The following DPP10 variants were observed in gnomAD, a reference collection of about 807,000 sequenced individuals.
DPP10 encodes inactive dipeptidyl peptidase 10.
A neutral mutation model predicts 120.9 loss-of-function variants in DPP10; 33 were observed. That is an observed-to-expected ratio of 0.27 (90% confidence interval 0.21 to 0.37). The LOEUF (loss-of-function observed/expected upper bound fraction) is 0.37. DPP10 is among the 10% of genes least tolerant of loss of function. The pLI, the probability that DPP10 is intolerant of heterozygous loss-of-function variation, is 1.00. For missense variants in DPP10, 816 were observed against 942.8 expected, an observed-to-expected ratio of 0.87 and a Z score of 1.76; for synonymous variants, 337 against 326.1, an observed-to-expected ratio of 1.03 and a Z score of -0.36.
intron 1 of DPP10, among the ~76,000 whole-genome samples, chr2:115,038,305 C>G (rs1402512309): frequency 2.6e-5 from 4 of 151,708 alleles, no homozygotes; most frequent in South Asian, 2.1e-4. Context: ...GAGTCTCGCT[C>G]TGTTGCCCAG....
At chr2:114,602,635 A>G (rs978639643) in intron 1 of DPP10, among the ~76,000 whole-genome samples, 7 of 151,968 alleles carry the variant, frequency 4.6e-5, no homozygotes, top group Non-Finnish European at 1.0e-4. Context: ...AGTACTCAGG[A>G]TATGCTTTGA....
intron 3 of DPP10, among the ~76,000 whole-genome samples, chr2:115,346,542 G>C (rs1186263996): frequency 6.6e-6 from 1 of 152,002 alleles, no homozygotes; most frequent in East Asian, 1.9e-4. Context: ...CCCTGTTCAT[G>C]GTTAGCTTAA....
At chr2:114,923,340 C>T (rs994799616) in intron 1 of DPP10, among the ~76,000 whole-genome samples, 10 of 151,664 alleles carry the variant, frequency 6.6e-5, no homozygotes, top group African/African-American at 2.2e-4. Context: ...TGCGCCATCA[C>T]GACCAGCTCA....
At chr2:115,163,567 A>G (rs960143403) in intron 1 of DPP10, among the ~76,000 whole-genome samples, 1 of 152,222 alleles carries the variant, frequency 6.6e-6, no homozygotes, top group Admixed American at 6.5e-5. Flanking sequence ...AATCCCCAGC[A>G]CACATCAGAA....
At chr2:115,426,761 C>T (rs962491564) in intron 3 of DPP10, among the ~76,000 whole-genome samples, 4 of 152,164 alleles carry the variant, frequency 2.6e-5, no homozygotes, top group African/African-American at 9.7e-5. Flanking sequence ...CTGCCCTTGG[C>T]CCCCACAAAA....
intron 1 of DPP10, among the ~76,000 whole-genome samples, chr2:114,633,921 T>TG (rs1695130775): frequency 6.6e-6 from 1 of 151,882 alleles, no homozygotes; most frequent in African/African-American, 2.4e-5. Flanking sequence ...GGCCTTTTTG[T>TG]GGATTTTAAT....
At chr2:115,169,105 A>G (rs1311699418) in intron 1 of DPP10, among the ~76,000 whole-genome samples, 2 of 152,204 alleles carry the variant, frequency 1.3e-5, no homozygotes, top group Admixed American at 1.3e-4. Context: ...AGGCAACGTG[A>G]TGTAAGACTG....
intron 1 of DPP10, among the ~76,000 whole-genome samples, chr2:114,718,328 G>A (rs1203149069): frequency 6.7e-6 from 1 of 149,568 alleles, no homozygotes; most frequent in Non-Finnish European, 1.5e-5. Context: ...TTGATCCTGG[G>A]AGGCGGAGGT....
chr2:114,587,468 T>A (rs903936946), intron 1 of DPP10, among the ~76,000 whole-genome samples: 6 of 151,926 alleles, frequency 3.9e-5, no homozygotes, highest in Admixed American at 1.3e-4. Context: ...CTACGTTGAG[T>A]CATTCATTTA....
rs144879883 is a variant in DPP10, at chr2:114,721,288, G to T, written c.60+278450G>T. On this transcript the variant is annotated intron_variant, in intron 1 of 25. Transcript: ENST00000410059. ...GTGCTTTGAAACACCCATTGCATGG[G>T]CCTTCCCATTGCATCCTTATAAACA... 1.8e-3 allele frequency among the ~76,000 whole-genome samples: 272 copies of T among 152,292 alleles called. 1 individual carries two copies. The highest frequency in any genetic ancestry group is 5.8e-3 in the African/African-American group (240 of 41,564).
chr2:115,308,149 T>TA (rs1262463996), intron 1 of DPP10, among the ~76,000 whole-genome samples: 1 of 152,138 alleles, frequency 6.6e-6, no homozygotes, highest in Non-Finnish European at 1.5e-5. Flanking sequence ...ACTATATGAA[T>TA]ATTGACATCA....
At chr2:115,708,349 AT>A (rs2092204030) in intron 7 of DPP10, among the ~76,000 whole-genome samples, 1 of 151,968 alleles carries the variant, frequency 6.6e-6, no homozygotes, top group South Asian at 2.1e-4. Flanking sequence ...CTTGCTAATA[AT>A]ATTGAAGTTG....
chr2:115,245,740 C>T (rs778874490), intron 1 of DPP10, among the ~76,000 whole-genome samples: 15 of 152,070 alleles, frequency 9.9e-5, no homozygotes, highest in African/African-American at 1.4e-4. Context: ...TTCTGTGATA[C>T]AATGGGAATA....
At chr2:114,635,524 A>G (rs1695241138) in intron 1 of DPP10, among the ~76,000 whole-genome samples, 1 of 151,964 alleles carries the variant, frequency 6.6e-6, no homozygotes. Context: ...CAAGACTGTT[A>G]GTGACCGCTT....
intron 1 of DPP10, among the ~76,000 whole-genome samples, chr2:114,859,089 GA>G (rs1379044895): frequency 6.6e-6 from 1 of 151,960 alleles, no homozygotes; most frequent in Non-Finnish European, 1.5e-5. Flanking sequence ...CACTTTGGGA[GA>G]CTAAGGTGGG....
chr2:115,835,484 C>G (rs1306868520), intron 21 of DPP10, among the ~76,000 whole-genome samples: 3 of 152,154 alleles, frequency 2.0e-5, no homozygotes, highest in Non-Finnish European at 4.4e-5. Context: ...TTGAAAACAT[C>G]TATACATTTC....
intron 1 of DPP10, among the ~76,000 whole-genome samples, chr2:115,172,801 A>T (rs2053446413): frequency 6.6e-6 from 1 of 152,234 alleles, no homozygotes; most frequent in African/African-American, 2.4e-5. Context: ...AGCGATGGAA[A>T]ATCAAACTAT....
At chr2:114,477,623 T>C (rs1467911399) in intron 1 of DPP10, among the ~76,000 whole-genome samples, 1 of 151,196 alleles carries the variant, frequency 6.6e-6, no homozygotes, top group Non-Finnish European at 1.5e-5. Context: ...ATGCCTCTAC[T>C]AAAAATACAA....
chr2:115,721,318 T>G (rs907451735), intron 7 of DPP10, among the ~76,000 whole-genome samples: 2 of 152,146 alleles, frequency 1.3e-5, no homozygotes, highest in African/African-American at 4.8e-5. Context: ...CATAAGAAAT[T>G]TACATTTGTC....
Sources: allele counts gnomAD v4.1 joint callset (sites outside exome capture counted in the v4.1 genomes callset), GRCh38; gene constraint gnomAD v4.1.1; transcripts MANE v1.5; gene names NCBI Gene and HGNC (gene_info 2026-07-23, HGNC 2026-07-21).